Variants in LRMDA observed in about 807,000 individuals in gnomAD.
The protein encoded by LRMDA is leucine-rich melanocyte differentiation-associated protein.
In LRMDA, 18 loss-of-function variants were observed where a neutral mutation model predicts 29.8. The ratio of observed to expected loss-of-function variants is 0.60; its 90% confidence interval spans 0.42 to 0.90. The LOEUF (loss-of-function observed/expected upper bound fraction) is 0.90. Ranked by LOEUF, LRMDA falls within the 40% of genes least tolerant of loss-of-function variation. LRMDA has a pLI of 0.00. For synonymous variants in LRMDA, 125 were observed against 109.4 expected (o/e 1.14, Z -0.89); for missense variants, 273 against 273.9 (o/e 1.00, Z 0.02).
intron 5 of LRMDA, among the ~76,000 whole-genome samples, chr10:76,266,811 G>C (rs1840011508): frequency 6.6e-6 from 1 of 152,144 alleles, no homozygotes; most frequent in African/African-American, 2.4e-5. Context: ...TTGAATGGAT[G>C]ACAATTTGAA....
At chr10:75,597,563 T>C (rs1840806761) in intron 2 of LRMDA, among the ~76,000 whole-genome samples, 1 of 152,144 alleles carries the variant, frequency 6.6e-6, no homozygotes, top group Non-Finnish European at 1.5e-5. Context: ...AAAAAAGGTG[T>C]GGTAATCCTG....
At chr10:75,602,842 A>T (rs1030819258) in intron 2 of LRMDA, among the ~76,000 whole-genome samples, 3 of 152,218 alleles carry the variant, frequency 2.0e-5, no homozygotes, top group African/African-American at 4.8e-5. Flanking sequence ...CACTTCTTTT[A>T]TGAGTCTGTT....
At chr10:75,981,994 T>C (rs1164406726) in intron 2 of LRMDA, among the ~76,000 whole-genome samples, 1 of 152,076 alleles carries the variant, frequency 6.6e-6, no homozygotes, top group African/African-American at 2.4e-5. Flanking sequence ...CATAAAATCA[T>C]GTTGGTGAAG....
chr10:76,370,759 A>G (rs1194583307), intron 6 of LRMDA, among the ~76,000 whole-genome samples: 1 of 152,170 alleles, frequency 6.6e-6, no homozygotes, highest in Non-Finnish European at 1.5e-5. Flanking sequence ...TAGTATACAT[A>G]CTATATATAG....
At chr10:76,141,664 C>T (rs1018548895) in intron 5 of LRMDA, among the ~76,000 whole-genome samples, 2 of 152,034 alleles carry the variant, frequency 1.3e-5, no homozygotes, top group South Asian at 2.1e-4. Context: ...TTATTAAATT[C>T]GAAAGGTGAT....
intron 2 of LRMDA, among the ~76,000 whole-genome samples, chr10:75,865,030 T>A (rs1844997558): frequency 6.6e-6 from 1 of 152,196 alleles, no homozygotes; most frequent in African/African-American, 2.4e-5. Flanking sequence ...TTTTTCTGCC[T>A]CTTTCTTTTA....
intron 2 of LRMDA, among the ~76,000 whole-genome samples, chr10:75,542,144 A>C (rs1316437113): frequency 6.6e-6 from 1 of 152,186 alleles, no homozygotes; most frequent in African/African-American, 2.4e-5. Flanking sequence ...AAAACCTGAC[A>C]AAGGGTGCTG....
intron 5 of LRMDA, among the ~76,000 whole-genome samples, chr10:76,211,947 CG>C (rs1332438355): frequency 1.3e-5 from 2 of 152,062 alleles, no homozygotes; most frequent in Non-Finnish European, 2.9e-5. Flanking sequence ...TTTTGGTGGC[CG>C]GCTCAAGTTG....
chr10:75,727,337 C>A (rs1316175202), intron 2 of LRMDA, among the ~76,000 whole-genome samples: 1 of 152,070 alleles, frequency 6.6e-6, no homozygotes, highest in African/African-American at 2.4e-5. Flanking sequence ...GCTCAGCTGA[C>A]CAGGGAAGAC....
Position 76,525,832 on chromosome 10 carries a change from C to A in LRMDA, c.602-31377C>A, listed in dbSNP as rs1455342434. ...ATTTGTGGTTACTGTTAGTATGTAG[C>A]AATTCCAGAATTTGAATCCTGACCT... On this transcript the variant is annotated intron_variant, in intron 6 of 6. Transcript: ENST00000611255. 3.3e-5 allele frequency among the ~76,000 whole-genome samples: 5 copies of A among 152,100 alleles called. No individual in the cohort carries two copies. The East Asian group carries it at 9.6e-4, about 29-fold the overall frequency.
chr10:75,773,966 G>A (rs2132237063), intron 2 of LRMDA, among the ~76,000 whole-genome samples: 1 of 152,294 alleles, frequency 6.6e-6, no homozygotes, highest in Non-Finnish European at 1.5e-5. Context: ...GGCTTAGTCT[G>A]TATCATTCTT....
chr10:76,485,358 T>G (rs1842771249), intron 6 of LRMDA, among the ~76,000 whole-genome samples: 1 of 151,942 alleles, frequency 6.6e-6, no homozygotes, highest in African/African-American at 2.4e-5. Flanking sequence ...ACAGCTATTC[T>G]AAGTTTGACT....
intron 2 of LRMDA, among the ~76,000 whole-genome samples, chr10:75,926,748 G>A (rs1200543927): frequency 6.6e-6 from 1 of 152,132 alleles, no homozygotes; most frequent in Non-Finnish European, 1.5e-5. Flanking sequence ...TGGTTTCCTG[G>A]GCCTGTAACT....
chr10:75,662,057 C>G (rs1841760233), intron 2 of LRMDA, among the ~76,000 whole-genome samples: 1 of 151,664 alleles, frequency 6.6e-6, no homozygotes, highest in South Asian at 2.1e-4. Flanking sequence ...AACTGAGGAC[C>G]TTTTCTTTTG....
chr10:75,472,806 G>C (rs995410898), intron 2 of LRMDA, among the ~76,000 whole-genome samples: 2 of 152,222 alleles, frequency 1.3e-5, no homozygotes, highest in African/African-American at 2.4e-5. Flanking sequence ...CCCTGAGCTA[G>C]AGCAAAGCCC....
At chr10:76,505,130 G>C (rs1184978161) in intron 6 of LRMDA, among the ~76,000 whole-genome samples, 2 of 151,464 alleles carry the variant, frequency 1.3e-5, no homozygotes, top group African/African-American at 4.9e-5. Context: ...CTGGAAACAG[G>C]CTCCCTATGT....
chr10:75,965,185 A>C (rs931250691), intron 2 of LRMDA, among the ~76,000 whole-genome samples: 1 of 152,214 alleles, frequency 6.6e-6, no homozygotes, highest in African/African-American at 2.4e-5. Context: ...TCTAAGGGCT[A>C]TAGAAAGAAG....
intron 5 of LRMDA, among the ~76,000 whole-genome samples, chr10:76,226,195 A>G (rs1851954204): frequency 6.6e-6 from 1 of 151,962 alleles, no homozygotes; most frequent in South Asian, 2.1e-4. Context: ...CAGGAAACTT[A>G]CAGTCATAGT....
chr10:75,469,124 C>T (rs553383880), intron 2 of LRMDA, among the ~76,000 whole-genome samples: 164 of 151,962 alleles, frequency 1.1e-3, no homozygotes, highest in African/African-American at 3.9e-3. Flanking sequence ...GTTTCCCTGC[C>T]AAAACTGGGA....
Sources: gnomAD v4.1 joint callset for allele counts (sites outside exome capture counted in the v4.1 genomes callset) on GRCh38, gnomAD v4.1.1 for gene constraint, MANE v1.5 for transcripts, NCBI Gene and HGNC (gene_info 2026-07-23, HGNC 2026-07-21) for gene names.